Variants in PIGP observed in about 807,000 individuals in gnomAD.
PIGP encodes the protein phosphatidylinositol glycan anchor biosynthesis class P, also known as phosphatidylinositol N-acetylglucosaminyltransferase subunit P.
PIGP carries 12 observed loss-of-function variants against 16.9 expected under a neutral mutation model. That is an observed-to-expected ratio of 0.71 (90% CI 0.46 to 1.15). PIGP has a LOEUF of 1.15. Ranked by LOEUF, PIGP falls within the 50% of genes most tolerant of loss-of-function variation. PIGP has a pLI of 0.00. For synonymous variants in PIGP, 57 were observed against 54.7 expected (o/e 1.04, Z -0.18); for missense variants, 159 against 153.5 (o/e 1.04, Z -0.19).
At chr21:37,072,599 C>A (rs759933479) in intron 1 of PIGP, 62 bp from the exon 2 acceptor site, 1 of 1,608,258 alleles carries the variant, frequency 6.2e-7, no homozygotes. Context: ...GATCCATTCT[C>A]GCCTCCTCGC....
In PIGP at chr21:37,072,663, G is replaced by A. The variant is rs1052500612; in HGVS notation, c.-22-126C>T. ...AGAACCGCCTCCCGCGCCTCCGTCCGCAACCCGCGCCCCCGCCTCGAGCGC... is the reference window on the plus strand; with the variant it reads ...AGAACCGCCTCCCGCGCCTCCGTCCACAACCCGCGCCCCCGCCTCGAGCGC... On this transcript the variant is annotated intron_variant, in intron 1 of 4. Transcript: ENST00000360525. 2.6e-6 allele frequency: 4 copies of A among 1,521,810 alleles called. 1 individual carries two copies. The highest frequency in any genetic ancestry group is 9.0e-7 in the Non-Finnish European group (1 of 1,114,664). The allele number at this position is 1,521,810 out of a possible 1,614,324, so 94.3% of individuals were successfully genotyped here.
intron 3 of PIGP, among the ~76,000 whole-genome samples, chr21:37,067,626 A>C (rs1468260434): frequency 6.6e-6 from 1 of 152,104 alleles, no homozygotes; most frequent in Non-Finnish European, 1.5e-5. Flanking sequence ...TCTGGTACTT[A>C]CCTCCTCATT....
rs756320329 is a variant in PIGP at position 37,069,653 on chromosome 21, GA to G, written c.83-30del. On this transcript the variant is annotated intron_variant, in intron 2 of 4. Transcript: ENST00000360525. ...TAGAAAAGAAAAAGAAAAAAAAGAG[GA>G]AGAGAAGTCAGTAAGACATACATCT... The G allele has an allele frequency of 2.2e-5, 31 of 1,436,066 alleles. No homozygotes were observed. In the South Asian group the frequency reaches 3.8e-4, roughly 18 times the overall value. The allele number at this position is 1,436,066 out of a possible 1,614,324, so 89.0% of individuals were successfully genotyped here. A position where few individuals can be genotyped will look rare whatever the true frequency, so the allele number is the denominator to read the frequency against.
In PIGP at chr21:37,065,681, T is replaced by G; in HGVS notation, c.306A>C (p.Lys102Asn). ...DNYAKNQQQKKYQEEAIPALR... is the reference protein window; with the variant it reads ...DNYAKNQQQKNYQEEAIPALR... ...AGGCTGGAATGGCCTCCTCTTGGTA[T>G]TTCTTCTGCTGTTGATTTTTTGCAT... The change falls in exon 5 of 5, where the codon AAA becomes AAC. Residue 102 changes from lysine (K) to asparagine (N), a missense_variant. Physicochemically the swap from Lys to Asn is moderately conservative, Grantham distance 94. Coordinates refer to ENST00000360525, the MANE Select transcript of PIGP (RefSeq NM_153682.3). The G allele has an allele frequency of 6.2e-7, 1 of 1,613,488 alleles. No individual in the cohort carries two copies. The highest frequency in any genetic ancestry group is 8.5e-7 in the Non-Finnish European group (1 of 1,179,756).
chr21:37,068,601 CATTCAT>C (rs926746947), intron 3 of PIGP, among the ~76,000 whole-genome samples: 71 of 152,046 alleles, frequency 4.7e-4, no homozygotes, highest in African/African-American at 1.7e-3. Context: ...TAGAGTAGTC[CATTCAT>C]ATTTAAAAAT....
intron 4 of PIGP, among the ~76,000 whole-genome samples, chr21:37,066,032 G>C (rs558174279): frequency 5.9e-5 from 9 of 151,930 alleles, no homozygotes; most frequent in Non-Finnish European, 1.2e-4. Context: ...GCAGTGAGCC[G>C]AGATTGCGCC....
At chr21:37,070,258 G>A (rs886738632) in intron 2 of PIGP, among the ~76,000 whole-genome samples, 2 of 152,150 alleles carry the variant, frequency 1.3e-5, no homozygotes, top group Admixed American at 1.3e-4. Flanking sequence ...GCTTAGAAAG[G>A]ATACATCACC....
chr21:37,071,863 C>T (rs754330731), intron 2 of PIGP, among the ~76,000 whole-genome samples: 4 of 152,162 alleles, frequency 2.6e-5, no homozygotes, highest in Admixed American at 6.5e-5. Context: ...AGATCCAGGA[C>T]GCAAACGACA....
chr21:37,068,801 G>A (rs1277121554), intron 3 of PIGP, among the ~76,000 whole-genome samples: 1 of 152,206 alleles, frequency 6.6e-6, no homozygotes, highest in African/African-American at 2.4e-5. Context: ...TCTGTGAGCA[G>A]TAGGGTGATA....
intron 2 of PIGP, among the ~76,000 whole-genome samples, chr21:37,071,199 G>A (rs989671514): frequency 2.0e-5 from 3 of 152,138 alleles, no homozygotes; most frequent in African/African-American, 4.8e-5. Flanking sequence ...CTGTTCCTAG[G>A]CATTATTTTA....
In PIGP at chr21:37,072,499, G is replaced by C; in HGVS notation, c.17C>G (p.Pro6Arg). Reference protein sequence around the residue: MVENSPSPLPERAIYG... With the variant: MVENSRSPLPERAIYG... Reference sequence around the variant, plus strand: ...AATCGCTCTTTCTGGCAATGGCGACGGTGAATTTTCCACCATTTTTCCTGG... The same window carrying C: ...AATCGCTCTTTCTGGCAATGGCGACCGTGAATTTTCCACCATTTTTCCTGG... The change falls in exon 2 of 5, where the codon CCG becomes CGG. Residue 6 changes from proline to arginine, a missense_variant. By Grantham distance (103) the Pro-to-Arg change is moderately radical. Transcript: ENST00000360525. 2 of 1,614,226 alleles carry C rather than the reference G, an allele frequency of 1.2e-6. No individual in the cohort carries two copies. Among genetic ancestry groups the C allele is most frequent in the Non-Finnish European group, 1.7e-6 (2 of 1,180,028 alleles).
chr21:37,067,927 T>C (rs533870380), intron 3 of PIGP, among the ~76,000 whole-genome samples: 2 of 152,156 alleles, frequency 1.3e-5, no homozygotes, highest in South Asian at 2.1e-4. Flanking sequence ...AATCCACCAA[T>C]ACCAGAGCCT....
In PIGP at chr21:37,072,431, T is replaced by C. The variant is rs751968622; in HGVS notation, c.82+3A>G. On this transcript the variant is annotated splice_donor_region_variant and intron_variant, in intron 2 of 4. Coordinates refer to ENST00000360525, the MANE Select transcript of PIGP (RefSeq NM_153682.3). ...CCTGGCCATCCATCAGGAAAGTACTTACTGAAGCCAAATTGGGAGCTTAAG... is the reference window on the plus strand; with the variant it reads ...CCTGGCCATCCATCAGGAAAGTACTCACTGAAGCCAAATTGGGAGCTTAAG... 1.2e-5 allele frequency: 20 copies of C among 1,614,018 alleles called. No individual in the cohort carries two copies. Among genetic ancestry groups the C allele is most frequent in the Admixed American group, 1.7e-5 (1 of 60,004 alleles).
Position 37,069,559 on chromosome 21 carries a change from G to A in PIGP, c.148C>T (p.Pro50Ser), listed in dbSNP as rs1399862295. The A allele has an allele frequency of 6.5e-7, 1 of 1,547,146 alleles. No individual in the cohort carries two copies. The highest frequency in any genetic ancestry group is 8.8e-7 in the Non-Finnish European group (1 of 1,138,280). Residue 50 changes from proline to serine, a missense_variant, in exon 3 of 5, where the codon CCT becomes TCT. Transcript: ENST00000360525. ...GAAATATATTAAACTTACTTTTGAG[G>A]CCAATAGGTTAAACCTAAAGAGTTT... is the stretch of plus-strand genomic sequence containing the variant. Reference protein sequence around the residue: ...WLNSLGLTYWPQKYWAVALPV... With the variant: ...WLNSLGLTYWSQKYWAVALPV...
Position 37,072,457 on chromosome 21 carries a change from A to G in PIGP, c.59T>C (p.Phe20Ser), listed in dbSNP as rs771037472. 3.6e-5 allele frequency: 58 copies of G among 1,614,130 alleles called. No homozygotes were observed. Among genetic ancestry groups the G allele is most frequent in the Non-Finnish European group, 4.7e-5 (56 of 1,180,030 alleles). Residue 20 changes from phenylalanine to serine, a missense_variant, in exon 2 of 5, where the codon TTC becomes TCC. Transcript: ENST00000360525. The stretch of plus-strand genomic sequence containing the variant: ...ACTGAAGCCAAATTGGGAGCTTAAG[A>G]AAAGAACAAAGCCATAAATCGCTCT... ...PERAIYGFVLFLSSQFGFILY... is the reference protein window; with the variant it reads ...PERAIYGFVLSLSSQFGFILY...
chr21:37,067,359 A>C lies in PIGP; in HGVS notation c.177T>G (p.Pro59=), dbSNP rs1217062799. 4.4e-6 allele frequency: 7 copies of C among 1,604,730 alleles called. No homozygotes were observed. Among genetic ancestry groups the C allele is most frequent in the Non-Finnish European group, 5.1e-6 (6 of 1,171,458 alleles). The part of the protein sequence containing the change: ...WPQKYWAVAL[P]VYLLIAIVIG... ...TTACTATAGCAATAAGGAGGTAGAC[A>C]GGTAATGCAACTGCCCAATATCTGC... The change falls in exon 4 of 5, where the codon CCT becomes CCG. Residue 59 remains proline (P), a synonymous_variant. Transcript: ENST00000360525.
At chr21:37,067,426 T>G (rs201734246) in intron 3 of PIGP, 46 bp from the exon 4 acceptor site, 1 of 1,096,694 alleles carries the variant, frequency 9.1e-7, no homozygotes, top group South Asian at 1.3e-5. Flanking sequence ...TTTAAAAAAG[T>G]TGTAATTCTC....
intron 2 of PIGP, 105 bp from the exon 3 acceptor site, chr21:37,069,729 G>A (rs1051894469): frequency 6.9e-6 from 5 of 729,048 alleles, no homozygotes; most frequent in Non-Finnish European, 1.1e-5. Context: ...CTCTTTTGAA[G>A]TGTCCCTGAT....
intron 2 of PIGP, among the ~76,000 whole-genome samples, chr21:37,070,201 C>T (rs1429143582): frequency 6.6e-6 from 1 of 152,146 alleles, no homozygotes; most frequent in African/African-American, 2.4e-5. Context: ...TCCTCCAAGA[C>T]AATCCTCCAA....
Sources: allele counts gnomAD v4.1 joint callset (sites outside exome capture counted in the v4.1 genomes callset), GRCh38; gene constraint gnomAD v4.1.1; transcripts MANE v1.5; gene names NCBI Gene and HGNC (gene_info 2026-07-23, HGNC 2026-07-21).